The following ANKRD11 variants were observed in gnomAD, a reference collection of about 807,000 sequenced individuals.
ANKRD11 encodes the protein ankyrin repeat domain-containing protein 11.
Under a neutral mutation model 195.7 loss-of-function variants are expected in ANKRD11, and 17 were observed. That is an observed-to-expected ratio of 0.09 (90% CI 0.06 to 0.13). The LOEUF is 0.13. Among genes scored for constraint, ANKRD11 ranks in the 10% least tolerant of loss-of-function variants. ANKRD11 has a pLI of 1.00. For synonymous variants in ANKRD11, 1,953 were observed against 1,528.1 expected (o/e 1.28, Z -6.49); for missense variants, 3,735 against 3,566.1 (o/e 1.05, Z -1.21).
At chr16:89,389,155 A>T (rs1012771870) in intron 2 of ANKRD11, among the ~76,000 whole-genome samples, 1 of 151,986 alleles carries the variant, frequency 6.6e-6, no homozygotes, top group Non-Finnish European at 1.5e-5. Context: ...AGTGGCTGGG[A>T]TGACAGATAC....
At chr16:89,296,508 G>A (rs983422618) in intron 4 of ANKRD11, among the ~76,000 whole-genome samples, 28 of 152,294 alleles carry the variant, frequency 1.8e-4, no homozygotes, top group African/African-American at 6.7e-4. Context: ...TACATCATCT[G>A]CTCACTGGGT....
intron 2 of ANKRD11, among the ~76,000 whole-genome samples, chr16:89,388,768 G>A (rs1259070616): frequency 1.3e-5 from 2 of 152,286 alleles, no homozygotes; most frequent in Admixed American, 1.3e-4. Context: ...CCACTGCCCA[G>A]CCAGATCCCT....
At chr16:89,450,099 G>T (rs1050829398) in intron 1 of ANKRD11, among the ~76,000 whole-genome samples, 1 of 152,166 alleles carries the variant, frequency 6.6e-6, no homozygotes, top group Non-Finnish European at 1.5e-5. Flanking sequence ...TACTGAATGT[G>T]TCACACTCTG....
intron 1 of ANKRD11, among the ~76,000 whole-genome samples, chr16:89,481,231 G>A (rs1200036929): frequency 2.6e-5 from 4 of 151,934 alleles, no homozygotes; most frequent in East Asian, 1.9e-4. Context: ...GTGTGCTTTC[G>A]AGTCCCCTTC....
At chr16:89,435,328 G>T (rs755007232) in intron 1 of ANKRD11, among the ~76,000 whole-genome samples, 1 of 152,158 alleles carries the variant, frequency 6.6e-6, no homozygotes, top group Non-Finnish European at 1.5e-5. Flanking sequence ...GGGCAGGGCC[G>T]AATAAGGGAA....
At chr16:89,378,871 G>C (rs145725714) in intron 2 of ANKRD11, among the ~76,000 whole-genome samples, 26 of 152,286 alleles carry the variant, frequency 1.7e-4, no homozygotes, top group African/African-American at 5.5e-4. Flanking sequence ...GGTGGGGCGA[G>C]GTGGGGAAGG....
At chr16:89,430,463 T>C (rs1209805852) in intron 1 of ANKRD11, among the ~76,000 whole-genome samples, 2 of 150,470 alleles carry the variant, frequency 1.3e-5, no homozygotes, top group Non-Finnish European at 3.0e-5. Flanking sequence ...GTCGTTCTAG[T>C]ACACAGCAGG....
At chr16:89,430,603 G>C (rs535179881) in intron 1 of ANKRD11, among the ~76,000 whole-genome samples, 2 of 152,124 alleles carry the variant, frequency 1.3e-5, no homozygotes, top group Non-Finnish European at 2.9e-5. Context: ...CAGCAGGTGC[G>C]CTGTCCTTTA....
chr16:89,453,801 A>C (rs1303122519), intron 1 of ANKRD11, among the ~76,000 whole-genome samples: 3 of 152,186 alleles, frequency 2.0e-5, no homozygotes, highest in Non-Finnish European at 4.4e-5. Flanking sequence ...ACAGGAAGTA[A>C]AACATGACTG....
chr16:89,327,629 T>A (rs901343887), intron 2 of ANKRD11, among the ~76,000 whole-genome samples: 1 of 152,206 alleles, frequency 6.6e-6, no homozygotes, highest in African/African-American at 2.4e-5. Flanking sequence ...ATGCTACCAA[T>A]AATCCTATGA....
chr16:89,369,403 G>A (rs755668338), intron 2 of ANKRD11, among the ~76,000 whole-genome samples: 3 of 152,246 alleles, frequency 2.0e-5, no homozygotes, highest in Non-Finnish European at 2.9e-5. Flanking sequence ...AGGGAGGGCT[G>A]TGCTCTGATG....
chr16:89,348,021 C>T (rs1164616095), intron 2 of ANKRD11, among the ~76,000 whole-genome samples: 4 of 151,994 alleles, frequency 2.6e-5, no homozygotes, highest in Non-Finnish European at 5.9e-5. Flanking sequence ...GCAGCCTCTA[C>T]CTCCTGGGCT....
intron 2 of ANKRD11, among the ~76,000 whole-genome samples, chr16:89,334,777 C>A (rs1362512925): frequency 1.3e-5 from 2 of 152,134 alleles, no homozygotes; most frequent in African/African-American, 4.8e-5. Flanking sequence ...TGCAAAAAGC[C>A]CACCCACGTG....
intron 9 of ANKRD11, among the ~76,000 whole-genome samples, chr16:89,277,181 T>C (rs1161911418): frequency 6.6e-6 from 1 of 152,198 alleles, no homozygotes; most frequent in Non-Finnish European, 1.5e-5. Flanking sequence ...TCTGCTGAGA[T>C]GGGGCCCGTC....
intron 1 of ANKRD11, chr16:89,420,528 G>C (rs1228361847): frequency 1.3e-5 from 2 of 152,192 alleles, no homozygotes. Context: ...AAAAACATCA[G>C]TTAAAAGTGA....
At chr16:89,470,456 G>C (rs572601263) in intron 1 of ANKRD11, among the ~76,000 whole-genome samples, 1 of 152,252 alleles carries the variant, frequency 6.6e-6, no homozygotes, top group African/African-American at 2.4e-5. Context: ...GCAGCCATGG[G>C]TGTTTTGTGT....
intron 3 of ANKRD11, among the ~76,000 whole-genome samples, chr16:89,307,798 A>C (rs927342234): frequency 1.3e-5 from 2 of 152,370 alleles, no homozygotes; most frequent in African/African-American, 4.8e-5. Flanking sequence ...ACCAGCAAGA[A>C]GCTCCAATCT....
At chr16:89,346,409 A>T (rs531782762) in intron 2 of ANKRD11, among the ~76,000 whole-genome samples, 1 of 152,334 alleles carries the variant, frequency 6.6e-6, no homozygotes, top group East Asian at 1.9e-4. Context: ...CTGGAGCTAA[A>T]CATATAAAAT....
At chr16:89,290,602 C>G (rs2034998637) in intron 6 of ANKRD11, 23 bp downstream of exon 6, 12 of 1,609,342 alleles carry the variant, frequency 7.5e-6, no homozygotes, top group Non-Finnish European at 1.0e-5. Context: ...CTCTCTGGCC[C>G]TTGCCAGGCA....
Sources: allele counts gnomAD v4.1 joint callset (sites outside exome capture counted in the v4.1 genomes callset), GRCh38; gene constraint gnomAD v4.1.1; transcripts MANE v1.5; gene names NCBI Gene and HGNC (gene_info 2026-07-23, HGNC 2026-07-21).